The following ENAH variants were observed in gnomAD, a reference collection of about 807,000 sequenced individuals.
The protein encoded by ENAH is ENAH actin regulator, also known as protein enabled homolog.
In ENAH, 23 loss-of-function variants were observed where a neutral mutation model predicts 78.7. The observed-to-expected ratio is 0.29, with a 90% CI of 0.21 to 0.41. The LOEUF is 0.41. Among genes scored for constraint, ENAH ranks in the 10% least tolerant of loss-of-function variants. The probability of loss-of-function intolerance (pLI) is 1.00; values close to 1 mark genes in which losing one functional copy is unlikely to be tolerated. For missense variants in ENAH, 544 were observed against 691.0 expected, an observed-to-expected ratio of 0.79 and a Z score of 2.39; for synonymous variants, 226 against 241.0, an observed-to-expected ratio of 0.94 and a Z score of 0.58.
chr1:225,628,906 CAAA>C (rs35601763), intron 1 of ENAH, among the ~76,000 whole-genome samples: 3 of 68,516 alleles, frequency 4.4e-5, no homozygotes, highest in Non-Finnish European at 7.0e-5. Context: ...AACTCCGTCT[CAAA>C]AAAAAAAAAA....
Position 225,517,207 on chromosome 1 carries a change from G to A in ENAH, c.902C>T (p.Pro301Leu), listed in dbSNP as rs777019012. The change falls in exon 6 of 14, where the codon CCA becomes CTA. Residue 301 changes from proline to leucine, a missense_variant. This residue lies in a region of ENAH where 366 missense variants were observed against 396.1 expected (regional missense o/e 0.92). Transcript: ENST00000366843. Reference protein sequence around the residue: ...LQAASQPAETPSQQGIVLGPL... With the variant: ...LQAASQPAETLSQQGIVLGPL... ...AATGAAAGCCTTACCCTGTTGGGATGGAGTCTCGGCCGGCTGAGAGGCTGC... is the reference window on the plus strand; with the variant it reads ...AATGAAAGCCTTACCCTGTTGGGATAGAGTCTCGGCCGGCTGAGAGGCTGC... 1 of 1,537,570 alleles carries A rather than the reference G, an allele frequency of 6.5e-7. No homozygotes were observed. Among genetic ancestry groups the A allele is most frequent in the Non-Finnish European group, 8.8e-7 (1 of 1,140,320 alleles).
chr1:225,543,578 G>T (rs1472000777), intron 3 of ENAH, among the ~76,000 whole-genome samples: 1 of 152,138 alleles, frequency 6.6e-6, no homozygotes, highest in Non-Finnish European at 1.5e-5. Context: ...CACCATTCAT[G>T]TTACTTACAC....
chr1:225,517,550 A>C (rs1234635523), intron 5 of ENAH: 2 of 1,551,362 alleles, frequency 1.3e-6, no homozygotes, highest in Middle Eastern at 1.7e-4. Context: ...GAAGAAACAC[A>C]AACAGGGAGG....
At chr1:225,590,147 C>T (rs915933458) in intron 1 of ENAH, among the ~76,000 whole-genome samples, 1 of 149,172 alleles carries the variant, frequency 6.7e-6, no homozygotes, top group Non-Finnish European at 1.5e-5. Context: ...AAGGTTTAAA[C>T]ACAGATTCCA....
chr1:225,573,567 T>C (rs1223111793), intron 1 of ENAH, among the ~76,000 whole-genome samples: 1 of 151,978 alleles, frequency 6.6e-6, no homozygotes, highest in Non-Finnish European at 1.5e-5. Flanking sequence ...GTAGCTACTA[T>C]GTAGAGAAAA....
chr1:225,497,074 G>C lies in ENAH; in HGVS notation c.*701C>G, dbSNP rs1276423852. ...TAAAGCATTGTAACAATTTAGGAAG[G>C]CATCTAAATCTTTAAGTTCTGGACA... is the stretch of plus-strand genomic sequence containing the variant. On this transcript the variant is annotated 3_prime_UTR_variant, in exon 14 of 14. Coordinates refer to ENST00000366843, the MANE Select transcript of ENAH (RefSeq NM_018212.6). 2 of 152,696 alleles carry C rather than the reference G, an allele frequency of 1.3e-5. No individual in the cohort carries two copies. Among genetic ancestry groups the C allele is most frequent in the Non-Finnish European group, 2.9e-5 (2 of 68,014 alleles). 9.5% of individuals were successfully genotyped at this position (152,696 alleles called of 1,614,324 possible). A position where few individuals can be genotyped will look rare whatever the true frequency, so the allele number is the denominator to read the frequency against.
intron 1 of ENAH, among the ~76,000 whole-genome samples, chr1:225,582,160 C>T (rs1478840493): frequency 6.6e-6 from 1 of 151,802 alleles, no homozygotes; most frequent in Non-Finnish European, 1.5e-5. Flanking sequence ...GTTGTCTTCC[C>T]CCCCTCTCTC....
At chr1:225,535,284 G>A (rs1242404341) in intron 3 of ENAH, among the ~76,000 whole-genome samples, 1 of 152,072 alleles carries the variant, frequency 6.6e-6, no homozygotes, top group Non-Finnish European at 1.5e-5. Flanking sequence ...AGTGTTTTAA[G>A]ATCCTAATTC....
intron 1 of ENAH, among the ~76,000 whole-genome samples, chr1:225,582,128 T>C (rs888922462): frequency 1.3e-5 from 2 of 152,054 alleles, no homozygotes; most frequent in African/African-American, 2.4e-5. Flanking sequence ...ATTCCTTTGA[T>C]AGTAAGTTCT....
intron 1 of ENAH, among the ~76,000 whole-genome samples, chr1:225,597,535 T>C (rs978273593): frequency 1.3e-5 from 2 of 151,624 alleles, no homozygotes; most frequent in African/African-American, 4.8e-5. Flanking sequence ...TACACACCTG[T>C]AGTCCCAGCT....
intron 1 of ENAH, among the ~76,000 whole-genome samples, chr1:225,643,569 T>C (rs1197242015): frequency 5.3e-5 from 8 of 152,156 alleles, no homozygotes; most frequent in Admixed American, 3.3e-4. Context: ...AAGATTTAAG[T>C]AGACAAAGTC....
chr1:225,611,380 G>A (rs535614854), intron 1 of ENAH, among the ~76,000 whole-genome samples: 16 of 152,110 alleles, frequency 1.1e-4, no homozygotes, highest in African/African-American at 2.2e-4. Flanking sequence ...GTGCAGTGGC[G>A]CGATCTCTGG....
At chr1:225,636,857 T>C (rs1660149575) in intron 1 of ENAH, among the ~76,000 whole-genome samples, 1 of 152,114 alleles carries the variant, frequency 6.6e-6, no homozygotes, top group African/African-American at 2.4e-5. Context: ...AATGTATGTA[T>C]GACACACCAA....
intron 1 of ENAH, among the ~76,000 whole-genome samples, chr1:225,601,897 C>T (rs1180448763): frequency 6.6e-6 from 1 of 151,192 alleles, no homozygotes; most frequent in Non-Finnish European, 1.5e-5. Flanking sequence ...TGGCTTTAAA[C>T]ATTTACCAGA....
intron 4 of ENAH, among the ~76,000 whole-genome samples, chr1:225,521,641 C>CAAA (rs559523159): frequency 2.9e-5 from 2 of 69,366 alleles, no homozygotes; most frequent in African/African-American, 3.9e-5. Flanking sequence ...ACCCTGTCTC[C>CAAA]AAAAAAAAAA....
chr1:225,584,659 T>C (rs1442434572), intron 1 of ENAH, among the ~76,000 whole-genome samples: 1 of 152,048 alleles, frequency 6.6e-6, no homozygotes, highest in Non-Finnish European at 1.5e-5. Context: ...AGATGCACTT[T>C]AAATATACAG....
intron 1 of ENAH, among the ~76,000 whole-genome samples, chr1:225,641,508 C>T (rs1013173428): frequency 9.3e-5 from 13 of 139,364 alleles, no homozygotes; most frequent in African/African-American, 3.2e-4. Context: ...TTAAAAAAAA[C>T]CAATGAGTTG....
chr1:225,558,992 T>C (rs533600546), intron 2 of ENAH, among the ~76,000 whole-genome samples: 276 of 152,314 alleles, frequency 1.8e-3, no homozygotes, highest in African/African-American at 6.5e-3. Flanking sequence ...ATGGCTTTAA[T>C]GGCCTATTAT....
intron 1 of ENAH, among the ~76,000 whole-genome samples, chr1:225,635,865 A>G (rs1468225007): frequency 6.6e-6 from 1 of 152,250 alleles, no homozygotes; most frequent in Non-Finnish European, 1.5e-5. Context: ...AAAGACTGCC[A>G]GCAAACCCAA....
Sources: allele counts gnomAD v4.1 joint callset (sites outside exome capture counted in the v4.1 genomes callset), GRCh38; gene constraint gnomAD v4.1.1; regional missense constraint gnomAD v4.1.1; transcripts MANE v1.5; gene names NCBI Gene and HGNC (gene_info 2026-07-23, HGNC 2026-07-21).